Variants in DMXL2 observed in about 807,000 individuals in gnomAD.
DMXL2 encodes the protein Dmx like 2.
In DMXL2, 103 loss-of-function variants were observed where a neutral mutation model predicts 331.1. That is an observed-to-expected ratio of 0.31 (90% CI 0.27 to 0.37). The LOEUF is 0.37. Ranked by LOEUF, DMXL2 falls within the 10% of genes least tolerant of loss-of-function variation. The probability of loss-of-function intolerance (pLI) is 1.00; values close to 1 mark genes in which losing one functional copy is unlikely to be tolerated. For missense variants in DMXL2, 3,171 were observed against 3,642.9 expected, an observed-to-expected ratio of 0.87 and a Z score of 3.33; for synonymous variants, 1,281 against 1,252.1, an observed-to-expected ratio of 1.02 and a Z score of -0.49.
chr15:51,471,393 C>T lies in DMXL2; in HGVS notation c.7222G>A (p.Val2408Ile), dbSNP rs1444114407. The change falls in exon 29 of 44, where the codon GTC (valine) becomes ATC (isoleucine). Residue 2408 changes from valine (V) to isoleucine (I), a missense_variant. Around this residue, in one of 7 missense-constraint regions of DMXL2, gnomAD observed 766 missense variants for 940.5 expected, o/e 0.81. Coordinates refer to ENST00000560891, the MANE Select transcript of DMXL2 (RefSeq NM_001378457.1). ...RQSENISAPP[V>I]LSEDIDKHRR... is the part of the protein sequence containing the mutation. ...TGTTTATCTATGTCTTCAGAAAGGA[C>T]AGGAGGTGCTAAATGAAGATAGAAG... 1 of 1,594,894 alleles carries T rather than the reference C, an allele frequency of 6.3e-7. No homozygotes were observed. The highest frequency in any genetic ancestry group is 2.2e-5 in the East Asian group (1 of 44,654).
intron 7 of DMXL2, among the ~76,000 whole-genome samples, 185 bp from the exon 8 acceptor site, chr15:51,545,951 T>G (rs2048866123): frequency 6.6e-6 from 1 of 152,116 alleles, no homozygotes; most frequent in Admixed American, 6.6e-5. Flanking sequence ...GGAAATTGTT[T>G]TGAAAAAAGA....
rs564180722 is a variant in DMXL2 at position 51,595,970 on chromosome 15, G to T, written c.88-19789C>A. ...TAGACCTAAAACCATAAAAACCCTA[G>T]AAGAAAACCTAGGCAATAACATTCA... is the stretch of plus-strand genomic sequence containing the variant. On this transcript the variant is annotated intron_variant, in intron 1 of 43. Coordinates refer to ENST00000560891, the MANE Select transcript of DMXL2 (RefSeq NM_001378457.1). Among the ~76,000 whole-genome samples, 114 of 152,238 alleles carry T rather than the reference G, an allele frequency of 7.5e-4. 1 individual carries two copies. The highest frequency in any genetic ancestry group is 2.2e-3 in the Admixed American group (33 of 15,288).
chr15:51,529,609 TAATA>T (rs1227810463), intron 13 of DMXL2, among the ~76,000 whole-genome samples: 3 of 152,058 alleles, frequency 2.0e-5, no homozygotes, highest in African/African-American at 7.2e-5. Context: ...ATCAAAGCCA[TAATA>T]AATAGTCTCT....
intron 6 of DMXL2, among the ~76,000 whole-genome samples, chr15:51,556,342 C>CAAAAA (rs1337118023): frequency 2.1e-5 from 1 of 46,568 alleles, no homozygotes; most frequent in African/African-American, 8.7e-5. Context: ...GACACTGTCT[C>CAAAAA]AAAAAAAAAA....
intron 36 of DMXL2, 145 bp from the exon 37 acceptor site, chr15:51,457,611 T>C (rs1334298308): frequency 4.4e-6 from 4 of 901,968 alleles, no homozygotes; most frequent in Non-Finnish European, 4.9e-6. Flanking sequence ...CAAGTCCTAA[T>C]CGCCAATGTT....
intron 4 of DMXL2, 91 bp from the exon 5 acceptor site, chr15:51,564,351 ATAT>A: frequency 1.0e-6 from 1 of 994,916 alleles, no homozygotes; most frequent in South Asian, 2.8e-5. Context: ...TAAACTATTA[ATAT>A]TATGTGAAAA....
chr15:51,601,926 T>C (rs901817187), intron 1 of DMXL2, among the ~76,000 whole-genome samples: 8 of 152,236 alleles, frequency 5.3e-5, no homozygotes, highest in Admixed American at 4.6e-4. Context: ...ATTTTGCTTA[T>C]AGGAGTTTTA....
In DMXL2 at chr15:51,447,825, A is replaced by G. The variant is rs1186977450; in HGVS notation, c.*1159T>C. The G allele has an allele frequency of 6.6e-6, 1 of 152,666 alleles. No homozygotes were observed. Among genetic ancestry groups the G allele is most frequent in the African/African-American group, 2.4e-5 (1 of 41,454 alleles). The allele number at this position is 152,666 out of a possible 1,614,324, so 9.5% of individuals were successfully genotyped here. On this transcript the variant is annotated 3_prime_UTR_variant, in exon 44 of 44. Transcript: ENST00000560891. ...TAACATTTATTTTTCTTTTACATAT[A>G]TATTTCACAGCCTGAACATCACATC...
At chr15:51,521,850 G>A (rs1054474871) in intron 13 of DMXL2, among the ~76,000 whole-genome samples, 3 of 152,084 alleles carry the variant, frequency 2.0e-5, no homozygotes, top group Admixed American at 1.3e-4. Context: ...GTACTATAAG[G>A]TTATGCACAG....
At chr15:51,451,548 C>A in intron 42 of DMXL2, 97 bp downstream of exon 42, 2 of 945,180 alleles carry the variant, frequency 2.1e-6, no homozygotes, top group African/African-American at 1.7e-5. Flanking sequence ...TGTCAATAAA[C>A]ACTCACTGGA....
At chr15:51,589,085 T>A (rs1210748146) in intron 1 of DMXL2, among the ~76,000 whole-genome samples, 1 of 152,172 alleles carries the variant, frequency 6.6e-6, no homozygotes, top group Non-Finnish European at 1.5e-5. Context: ...AATAACCATC[T>A]GGAAATGACG....
At chr15:51,451,726 C>T in intron 41 of DMXL2, 29 bp from the exon 42 acceptor site, 1 of 1,573,894 alleles carries the variant, frequency 6.4e-7, no homozygotes, top group South Asian at 1.1e-5. Context: ...AACAAAAATA[C>T]ATCATAAATG....
At chr15:51,482,981 C>T (rs77471302) in intron 23 of DMXL2, among the ~76,000 whole-genome samples, 3,484 of 152,208 alleles carry the variant, frequency 0.023, 126 homozygotes, top group African/African-American at 0.069. Flanking sequence ...TGGAGGTACC[C>T]GGCCTCTGCA....
chr15:51,453,558 A>T lies in DMXL2; in HGVS notation c.8688T>A (p.Asn2896Lys). ...CTTTTCTGTCAACCTACCTATTGTCATTGGAGTGTCCAGATGTGGCAACTA... is the reference window on the plus strand; with the variant it reads ...CTTTTCTGTCAACCTACCTATTGTCTTTGGAGTGTCCAGATGTGGCAACTA... ...SSLVATSGHS[N>K]DNRNVCLWDT... is the part of the protein sequence containing the mutation. Residue 2896 changes from asparagine to lysine, a missense_variant, in exon 41 of 44, where the codon AAT (asparagine) becomes AAA (lysine). Asn to Lys is a moderately conservative substitution (Grantham distance 94, BLOSUM62 0). This residue lies in a region of DMXL2 where 766 missense variants were observed against 940.5 expected (regional missense o/e 0.81). Transcript: ENST00000560891. The T allele has an allele frequency of 6.2e-7, 1 of 1,611,246 alleles. No individual in the cohort carries two copies. Among genetic ancestry groups the T allele is most frequent in the Non-Finnish European group, 8.5e-7 (1 of 1,178,734 alleles).
At chr15:51,535,534 T>C (rs1159616695) in intron 13 of DMXL2, 129 bp downstream of exon 13, 1 of 746,320 alleles carries the variant, frequency 1.3e-6, no homozygotes, top group Non-Finnish European at 2.0e-6. Flanking sequence ...GTGTCATATA[T>C]ATGTCATATG....
chr15:51,566,235 GTGTGTGTGTGT>G (rs2050273522), intron 3 of DMXL2, among the ~76,000 whole-genome samples: 2 of 1,618 alleles, frequency 1.2e-3, no homozygotes, highest in South Asian at 0.045. Context: ...TGTGTGGGGT[GTGTGTGTGTGT>G]GTGTGTGTGT....
At chr15:51,483,870 TAGCCAGCTGAAC>T (rs2042198873) in intron 23 of DMXL2, among the ~76,000 whole-genome samples, 1 of 151,304 alleles carries the variant, frequency 6.6e-6, no homozygotes, top group African/African-American at 2.4e-5. Flanking sequence ...GCACACCCCT[TAGCCAGCTGAAC>T]AGCCTTGCAC....
At chr15:51,488,498 C>G in intron 21 of DMXL2, 50 bp downstream of exon 21, 2 of 1,482,266 alleles carry the variant, frequency 1.3e-6, no homozygotes, top group Non-Finnish European at 1.9e-6. Flanking sequence ...TTCTTACTCA[C>G]AGCACAATCT....
rs2140235964 is a variant in DMXL2, at chr15:51,458,761, G to A, written c.8024C>T (p.Ala2675Val). ...ATCAGATTCCTTATGGATGACTTTC[G>A]CCTTTCCACCTGGATAGCCCAGATC... ...EADLGYPGGK[A>V]KVIHKESDMI... Residue 2675 changes from alanine to valine, a missense_variant, in exon 35 of 44, where the codon GCG becomes GTG. Transcript: ENST00000560891. 3 of 1,613,876 alleles carry A rather than the reference G, an allele frequency of 1.9e-6. No individual in the cohort carries two copies. The highest frequency in any genetic ancestry group is 2.5e-6 in the Non-Finnish European group (3 of 1,179,934).
Sources: gnomAD v4.1 joint callset for allele counts (sites outside exome capture counted in the v4.1 genomes callset) on GRCh38, gnomAD v4.1.1 for gene constraint, gnomAD v4.1.1 regional missense constraint, MANE v1.5 for transcripts, NCBI Gene and HGNC (gene_info 2026-07-23, HGNC 2026-07-21) for gene names.